The following IMPA2 variants were observed in gnomAD, a reference collection of about 807,000 sequenced individuals.
IMPA2 encodes the protein inositol monophosphatase 2, also known as IMP 2.
Under a neutral mutation model 35.1 loss-of-function variants are expected in IMPA2, and 32 were observed. The ratio of observed to expected loss-of-function variants is 0.91; its 90% CI spans 0.69 to 1.23. The LOEUF (loss-of-function observed/expected upper bound fraction) is 1.23. Among genes scored for constraint, IMPA2 ranks in the 50% most tolerant of loss-of-function variants. The pLI is 0.00. For synonymous variants in IMPA2, 135 were observed against 160.6 expected (o/e 0.84, Z 1.20); for missense variants, 334 against 387.6 (o/e 0.86, Z 1.16).
chr18:12,030,463 G>A lies in IMPA2; in HGVS notation c.*5G>A, dbSNP rs370833515. The A allele has an allele frequency of 3.1e-5, 50 of 1,611,934 alleles. No homozygotes were observed. The East Asian group carries it at 4.9e-4, about 16-fold the overall frequency. ...GGGCGGGATGATGAGAAGTGACTGC[G>A]GCTGAGGCAAAGCTGCTCCCAAGGC... On this transcript the variant is annotated 3_prime_UTR_variant, in exon 8 of 8. Transcript: ENST00000269159.
At position 12,028,100 on chromosome 18, in the gene IMPA2, T is replaced by C; in HGVS notation, c.548T>C (p.Leu183Pro). ...EIGPKRDPATLKLFLSNMERL... is the reference protein window; with the variant it reads ...EIGPKRDPATPKLFLSNMERL... ...GGCCCCAAACGTGACCCTGCGACCCTGAAGCTGTTCCTGAGTAACATGGAG... is the reference window on the plus strand; with the variant it reads ...GGCCCCAAACGTGACCCTGCGACCCCGAAGCTGTTCCTGAGTAACATGGAG... Residue 183 changes from leucine (L) to proline (P), a missense_variant, in exon 6 of 8, where the codon CTG (leucine) becomes CCG (proline). By Grantham distance (98) the Leu-to-Pro change is moderately conservative. Transcript: ENST00000269159. 2.5e-6 allele frequency: 4 copies of C among 1,614,106 alleles called. No homozygotes were observed. Among genetic ancestry groups the C allele is most frequent in the Non-Finnish European group, 3.4e-6 (4 of 1,179,966 alleles).
chr18:12,011,518 G>A (rs1034994110), intron 3 of IMPA2, among the ~76,000 whole-genome samples: 1 of 152,214 alleles, frequency 6.6e-6, no homozygotes, highest in Non-Finnish European at 1.5e-5. Context: ...TGTACAATTG[G>A]TTTTGCATTT....
Position 11,981,550 on chromosome 18 carries a change from G to C in IMPA2, c.-120G>C. The C allele has an allele frequency of 1.6e-6, 1 of 613,636 alleles. No individual in the cohort carries two copies. The highest frequency in any genetic ancestry group is 2.4e-6 in the Non-Finnish European group (1 of 425,480). The allele number at this position is 613,636 out of a possible 1,614,324, so 38.0% of individuals were successfully genotyped here. A position where few individuals can be genotyped will look rare whatever the true frequency, so the allele number is the denominator to read the frequency against. On this transcript the variant is annotated 5_prime_UTR_variant, in exon 1 of 8. Coordinates refer to ENST00000269159, the MANE Select transcript of IMPA2 (RefSeq NM_014214.3). ...AGGTGTGGGACGGGCGGCGGACTAG[G>C]CACAGAGCTGCGGGAGCAGGCACAG...
chr18:11,997,842 A>G (rs1459020279), intron 1 of IMPA2, among the ~76,000 whole-genome samples: 2 of 152,210 alleles, frequency 1.3e-5, no homozygotes, highest in Middle Eastern at 3.2e-3. Context: ...TGTCATCATG[A>G]TGAGGGAGAC....
chr18:12,014,485 A>G (rs1568035447), intron 5 of IMPA2, 112 bp downstream of exon 5: 4 of 621,322 alleles, frequency 6.4e-6, no homozygotes, highest in Non-Finnish European at 1.1e-5. Flanking sequence ...TGATGGTGTC[A>G]TCTCTTTTTA....
At chr18:12,023,347 C>T (rs1169307989) in intron 5 of IMPA2, among the ~76,000 whole-genome samples, 10 of 152,280 alleles carry the variant, frequency 6.6e-5, no homozygotes, top group African/African-American at 1.9e-4. Flanking sequence ...TCATCTGTTG[C>T]ACGGGGCAGT....
At chr18:12,027,983 A>T (rs771272465) in intron 5 of IMPA2, 60 bp from the exon 6 acceptor site, 21 of 1,060,328 alleles carry the variant, frequency 2.0e-5, no homozygotes, top group Non-Finnish European at 2.9e-5. Flanking sequence ...GGAAGCCTGT[A>T]CTCCTTAGTT....
In IMPA2 at chr18:11,991,899, A is replaced by G. The variant is rs1300775407; in HGVS notation, c.97-7155A>G. On this transcript the variant is annotated intron_variant, in intron 1 of 7. Transcript: ENST00000269159. The surrounding 1 kb of genome is among the most constrained non-coding windows in gnomAD (Gnocchi z 4.1). ...TGCTCTGTCTCCCAGGATGGAGTGC[A>G]GTGGCGTAATCTTGGCTCACCGCAA... Among the ~76,000 whole-genome samples, 1 of 149,986 alleles carries G rather than the reference A, an allele frequency of 6.7e-6. No homozygotes were observed. The highest frequency in any genetic ancestry group is 2.5e-5 in the African/African-American group (1 of 40,384).
chr18:11,990,762 C>T (rs905426241), intron 1 of IMPA2, among the ~76,000 whole-genome samples: 4 of 152,210 alleles, frequency 2.6e-5, no homozygotes, highest in South Asian at 2.1e-4. Flanking sequence ...TGTGACGGCT[C>T]CAGCCGTGGG....
At chr18:11,992,559 A>G (rs1290533449) in intron 1 of IMPA2, among the ~76,000 whole-genome samples, 1 of 152,162 alleles carries the variant, frequency 6.6e-6, no homozygotes, top group African/African-American at 2.4e-5. Context: ...TTCCTTTTAG[A>G]TTTGAAATTC....
At position 12,014,377 on chromosome 18, in the gene IMPA2, G is replaced by A. The variant is rs769077361; in HGVS notation, c.490+4G>A. Reference sequence around the variant, plus strand: ...CTCCGGGTCTCCGGGGAGACAGGTGGGCTTCACAACGCTCGTCTCAGTTTA... The same window carrying A: ...CTCCGGGTCTCCGGGGAGACAGGTGAGCTTCACAACGCTCGTCTCAGTTTA... On this transcript the variant is annotated splice_donor_region_variant and intron_variant, in intron 5 of 7. Transcript: ENST00000269159. 1.9e-6 allele frequency: 3 copies of A among 1,555,152 alleles called. No individual in the cohort carries two copies. Among genetic ancestry groups the A allele is most frequent in the Non-Finnish European group, 2.6e-6 (3 of 1,143,626 alleles).
intron 1 of IMPA2, among the ~76,000 whole-genome samples, chr18:11,988,423 T>C (rs1457967306): frequency 6.6e-6 from 1 of 152,256 alleles, no homozygotes; most frequent in African/African-American, 2.4e-5. Context: ...TTAGCCTTTT[T>C]ACTCTGAATG....
intron 2 of IMPA2, among the ~76,000 whole-genome samples, chr18:12,000,387 G>C (rs116009294): frequency 6.9e-6 from 1 of 144,620 alleles, no homozygotes; most frequent in Admixed American, 7.0e-5. Context: ...AAGAACAAGC[G>C]AGTGTTAAAC....
chr18:12,004,379 A>T (rs919014776), intron 2 of IMPA2, among the ~76,000 whole-genome samples: 2 of 152,250 alleles, frequency 1.3e-5, no homozygotes, highest in Non-Finnish European at 2.9e-5. Flanking sequence ...TGGTTAAGTT[A>T]TGCAGTAGGA....
chr18:11,991,540 C>T lies in IMPA2; in HGVS notation c.97-7514C>T, dbSNP rs746421939. On this transcript the variant is annotated intron_variant, in intron 1 of 7. Transcript: ENST00000269159. The surrounding 1 kb of genome is among the most constrained non-coding windows in gnomAD (Gnocchi z 4.1). ...CTGTTAGGTTTTATTGATTGTCACA[C>T]GTATCAGGTTCTTCAGAGAAACAGG... is the stretch of plus-strand genomic sequence containing the variant. 3.3e-5 allele frequency among the ~76,000 whole-genome samples: 5 copies of T among 152,030 alleles called. No individual in the cohort carries two copies. The highest frequency in any genetic ancestry group is 1.9e-4 in the East Asian group (1 of 5,182).
intron 5 of IMPA2, among the ~76,000 whole-genome samples, chr18:12,016,790 T>C (rs1247595452): frequency 6.6e-6 from 1 of 152,152 alleles, no homozygotes; most frequent in Non-Finnish European, 1.5e-5. Context: ...AGTCCTCATA[T>C]TGAAAACGGG....
intron 5 of IMPA2, among the ~76,000 whole-genome samples, chr18:12,023,655 A>G (rs1045497980): frequency 1.3e-5 from 2 of 152,142 alleles, no homozygotes; most frequent in Admixed American, 6.5e-5. Flanking sequence ...TTATCTCCCA[A>G]TGGAAATTGA....
Position 12,030,337 on chromosome 18 carries a change from C to G in IMPA2, c.752-6C>G, listed in dbSNP as rs1314931257. 5.0e-6 allele frequency: 8 copies of G among 1,612,000 alleles called. No homozygotes were observed. The highest frequency in any genetic ancestry group is 6.8e-6 in the Non-Finnish European group (8 of 1,178,020). ...CGGATGCCTGGCTCTCTCTGTCTGT[C>G]CCCAGGTGGACCCCTCGACCTCATG... On this transcript the variant is annotated splice_polypyrimidine_tract_variant and splice_region_variant and intron_variant, in intron 7 of 7. Coordinates refer to ENST00000269159, the MANE Select transcript of IMPA2 (RefSeq NM_014214.3).
Position 11,981,913 on chromosome 18 carries a change from G to A in IMPA2, c.96+148G>A, listed in dbSNP as rs1273533507. The A allele has an allele frequency of 1.1e-5, 5 of 450,528 alleles. No homozygotes were observed. The East Asian group carries it at 1.5e-4, about 13-fold the overall frequency. The allele number at this position is 450,528 out of a possible 1,614,324, so 27.9% of individuals were successfully genotyped here. ...CGCGGGGCGCGGAGCGGTGAAAGGAGCCTTTGTGCTGGTGTCCTGGACACA... is the reference window on the plus strand; with the variant it reads ...CGCGGGGCGCGGAGCGGTGAAAGGAACCTTTGTGCTGGTGTCCTGGACACA... On this transcript the variant is annotated intron_variant, in intron 1 of 7. Coordinates refer to ENST00000269159, the MANE Select transcript of IMPA2 (RefSeq NM_014214.3).
Sources: gnomAD v4.1 joint callset for allele counts (sites outside exome capture counted in the v4.1 genomes callset) on GRCh38, gnomAD v4.1.1 for gene constraint, Gnocchi (gnomAD v3.1) non-coding constraint, MANE v1.5 for transcripts, NCBI Gene and HGNC (gene_info 2026-07-23, HGNC 2026-07-21) for gene names.